TBX15: variants seen among roughly 807,000 people sequenced by gnomAD.
TBX15 encodes the protein T-box transcription factor TBX15.
Under a neutral mutation model 53.9 loss-of-function variants are expected in TBX15, and 18 were observed. That is an observed-to-expected ratio of 0.33 (90% confidence interval 0.23 to 0.49). The LOEUF is 0.49. Ranked by LOEUF, TBX15 falls within the 20% of genes least tolerant of loss-of-function variation. The probability of loss-of-function intolerance (pLI) is 0.98; values close to 1 mark genes in which losing one functional copy is unlikely to be tolerated. For missense variants in TBX15, 692 were observed against 749.5 expected (o/e 0.92, Z 0.90); for synonymous variants, 295 against 278.0 (o/e 1.06, Z -0.61).
intron 5 of TBX15, among the ~76,000 whole-genome samples, chr1:118,919,486 A>G (rs1655353106): frequency 6.6e-6 from 1 of 152,236 alleles, no homozygotes; most frequent in Non-Finnish European, 1.5e-5. Flanking sequence ...TCTATTGGTC[A>G]GTAAGCAAGG....
At chr1:118,945,085 T>C (rs975535376) in intron 1 of TBX15, among the ~76,000 whole-genome samples, 1 of 152,084 alleles carries the variant, frequency 6.6e-6, no homozygotes, top group Non-Finnish European at 1.5e-5. Flanking sequence ...GAGAGGAGAA[T>C]AGGAAAGTCA....
intron 1 of TBX15, among the ~76,000 whole-genome samples, chr1:118,947,748 A>T (rs1162453377): frequency 6.6e-6 from 1 of 152,204 alleles, no homozygotes; most frequent in East Asian, 1.9e-4. Flanking sequence ...ATTAGAGATG[A>T]GGAAACTGAG....
chr1:118,987,699 G>C lies in TBX15; in HGVS notation c.97C>G (p.Arg33Gly), dbSNP rs542551582. ...TCCAGCCCCTTCTCCTCCCAGTCTC[G>C]CAGTTTCCGTTTTTTATTTGAGCCG... ...LIGSNKKRKL[R>G]DWEEKGLDLS... The change falls in exon 1 of 8, where the codon CGA becomes GGA. Residue 33 changes from arginine (R) to glycine (G), a missense_variant. This residue lies in a region of TBX15 where 307 missense variants were observed against 347.5 expected (regional missense o/e 0.88). Coordinates refer to ENST00000369429, the MANE Select transcript of TBX15 (RefSeq NM_001330677.2). The C allele has an allele frequency of 1.3e-6, 2 of 1,550,390 alleles. No individual in the cohort carries two copies. Among genetic ancestry groups the C allele is most frequent in the South Asian group, 1.2e-5 (1 of 84,060 alleles).
At chr1:118,926,836 G>T (rs1337549532) in intron 2 of TBX15, among the ~76,000 whole-genome samples, 4 of 151,926 alleles carry the variant, frequency 2.6e-5, no homozygotes, top group Admixed American at 1.3e-4. Flanking sequence ...CTCCCGAGTA[G>T]CTGGGACTAC....
At chr1:118,970,917 T>A (rs1557904704) in intron 1 of TBX15, among the ~76,000 whole-genome samples, 1 of 152,104 alleles carries the variant, frequency 6.6e-6, no homozygotes, top group Non-Finnish European at 1.5e-5. Flanking sequence ...CCAGAAAAAA[T>A]TTCTGTCATT....
intron 5 of TBX15, among the ~76,000 whole-genome samples, chr1:118,919,541 T>A (rs1351236262): frequency 2.0e-5 from 3 of 152,124 alleles, no homozygotes; most frequent in Non-Finnish European, 2.9e-5. Flanking sequence ...GCATAACATA[T>A]TCCATGAAAA....
chr1:118,888,902 C>T (rs571428367), intron 7 of TBX15, among the ~76,000 whole-genome samples: 1 of 149,440 alleles, frequency 6.7e-6, no homozygotes, highest in East Asian at 1.9e-4. Flanking sequence ...CAACTGGTTT[C>T]ACTACAAAAA....
chr1:118,906,425 G>A (rs537105326), intron 6 of TBX15, among the ~76,000 whole-genome samples: 41 of 152,048 alleles, frequency 2.7e-4, no homozygotes, highest in African/African-American at 7.2e-4. Context: ...ACTTTTCCTC[G>A]TCCCTTCTTT....
chr1:118,898,479 G>T (rs149035288), intron 7 of TBX15, among the ~76,000 whole-genome samples: 1 of 152,088 alleles, frequency 6.6e-6, no homozygotes, highest in South Asian at 2.1e-4. Context: ...AAAGCAGTAG[G>T]GGGGAAAGTC....
chr1:118,976,307 T>A (rs1357974647), intron 1 of TBX15, among the ~76,000 whole-genome samples: 1 of 152,176 alleles, frequency 6.6e-6, no homozygotes, highest in Non-Finnish European at 1.5e-5. Context: ...TTCTTGTTGT[T>A]GTTGTTGTTT....
At chr1:118,936,771 A>T (rs1468850101) in intron 1 of TBX15, among the ~76,000 whole-genome samples, 2 of 152,174 alleles carry the variant, frequency 1.3e-5, no homozygotes, top group African/African-American at 4.8e-5. Context: ...TATTATTATT[A>T]TCTCCATTTT....
intron 6 of TBX15, among the ~76,000 whole-genome samples, chr1:118,908,356 C>G (rs1410571396): frequency 6.8e-6 from 1 of 146,742 alleles, no homozygotes; most frequent in Non-Finnish European, 1.5e-5. Context: ...GGGCAGAGCC[C>G]AGGAACACAG....
chr1:118,908,459 G>A (rs72705331), intron 6 of TBX15, among the ~76,000 whole-genome samples: 2 of 151,654 alleles, frequency 1.3e-5, no homozygotes, highest in Admixed American at 6.6e-5. Flanking sequence ...CCCCAAGTAA[G>A]AGAAATCTCC....
rs546314083 is a variant in TBX15, at chr1:118,894,496, G to GA, written c.1024+4531dup. 6.3e-4 allele frequency among the ~76,000 whole-genome samples: 96 copies of GA among 152,128 alleles called. 1 individual carries two copies. Among genetic ancestry groups the GA allele is most frequent in the African/African-American group, 2.3e-3 (95 of 41,532 alleles). ...GTTGAGGTGCAAAGATGTGTGTTTT[G>GA]AAAAAAATGATTCTCATTTCTACAT... On this transcript the variant is annotated intron_variant, in intron 7 of 7. Transcript: ENST00000369429.
chr1:118,940,733 A>AT (rs924432438), intron 1 of TBX15, among the ~76,000 whole-genome samples: 12 of 150,656 alleles, frequency 8.0e-5, no homozygotes, highest in African/African-American at 2.2e-4. Context: ...AAAACAAAAA[A>AT]AAATAAATAA....
intron 5 of TBX15, among the ~76,000 whole-genome samples, chr1:118,921,734 T>G (rs1014808384): frequency 6.6e-6 from 1 of 152,182 alleles, no homozygotes; most frequent in African/African-American, 2.4e-5. Context: ...TTCTTCAGTG[T>G]TTCCCCAAAC....
At chr1:118,985,888 T>C (rs1206259296) in intron 1 of TBX15, among the ~76,000 whole-genome samples, 2 of 152,196 alleles carry the variant, frequency 1.3e-5, no homozygotes, top group African/African-American at 2.4e-5. Flanking sequence ...CTAAGTTTTC[T>C]CTCTTCTGCC....
At chr1:118,948,256 C>A (rs1352171825) in intron 1 of TBX15, among the ~76,000 whole-genome samples, 1 of 152,068 alleles carries the variant, frequency 6.6e-6, no homozygotes, top group Non-Finnish European at 1.5e-5. Flanking sequence ...AGACAGATAA[C>A]ATCTTTAAAA....
At chr1:118,952,037 G>T (rs1177737016) in intron 1 of TBX15, among the ~76,000 whole-genome samples, 1 of 151,934 alleles carries the variant, frequency 6.6e-6, no homozygotes, top group Non-Finnish European at 1.5e-5. Context: ...TTTTGCCTTT[G>T]TCACCCCTGA....
Sources: allele counts gnomAD v4.1 joint callset (sites outside exome capture counted in the v4.1 genomes callset), GRCh38; gene constraint gnomAD v4.1.1; regional missense constraint gnomAD v4.1.1; transcripts MANE v1.5; gene names NCBI Gene and HGNC (gene_info 2026-07-23, HGNC 2026-07-21).